EML6: variants seen among roughly 807,000 people sequenced by gnomAD.
The protein encoded by EML6 is echinoderm microtubule-associated protein-like 6.
Under a neutral mutation model 240.1 loss-of-function variants are expected in EML6, and 154 were observed. The observed-to-expected ratio is 0.64, with a 90% CI of 0.56 to 0.73. The LOEUF is 0.73. EML6 is among the 30% of genes least tolerant of loss of function. EML6 has a pLI of 0.00. For missense variants in EML6, 2,964 were observed against 2,474.6 expected, an observed-to-expected ratio of 1.20 and a Z score of -4.20; for synonymous variants, 1,148 against 899.0, an observed-to-expected ratio of 1.28 and a Z score of -4.95.
At chr2:54,890,515 G>A (rs761737066) in intron 17 of EML6, among the ~76,000 whole-genome samples, 3 of 152,056 alleles carry the variant, frequency 2.0e-5, no homozygotes, top group South Asian at 2.1e-4. Context: ...AAAGTGCCTC[G>A]AATCAATAGA....
intron 28 of EML6, among the ~76,000 whole-genome samples, chr2:54,946,589 A>G (rs1374644985): frequency 2.0e-5 from 3 of 152,198 alleles, no homozygotes; most frequent in Non-Finnish European, 4.4e-5. Context: ...GATGTTATGA[A>G]CACTGTTTAT....
At chr2:54,779,583 C>T (rs2103842442) in intron 2 of EML6, among the ~76,000 whole-genome samples, 1 of 147,378 alleles carries the variant, frequency 6.8e-6, no homozygotes, top group East Asian at 2.0e-4. Context: ...GAAGGAGGGC[C>T]TGGTGTGGTA....
At chr2:54,912,949 G>A (rs1487651554) in intron 25 of EML6, among the ~76,000 whole-genome samples, 2 of 151,918 alleles carry the variant, frequency 1.3e-5, no homozygotes, top group East Asian at 1.9e-4. Context: ...TGAGTAGAAT[G>A]GTAATTCTTT....
intron 38 of EML6, among the ~76,000 whole-genome samples, chr2:54,965,360 A>G (rs1316258760): frequency 6.6e-6 from 1 of 152,218 alleles, no homozygotes; most frequent in East Asian, 1.9e-4. Context: ...ACCGGGCACT[A>G]TGCTAGACTT....
rs1162923272 is a variant in EML6, at chr2:54,964,045, T to C, written c.5217T>C (p.Asp1739=). 1 of 1,551,560 alleles carries C rather than the reference T, an allele frequency of 6.4e-7. No individual in the cohort carries two copies. The highest frequency in any genetic ancestry group is 1.4e-5 in the African/African-American group (1 of 73,024). ...HAARCAAYSP[D]GEMVAIGMKN... ...CCAGGTGTGCAGCCTACAGCCCTGATGGGGAGATGGTGGCCATTGGCATGA... is the reference window on the plus strand; with the variant it reads ...CCAGGTGTGCAGCCTACAGCCCTGACGGGGAGATGGTGGCCATTGGCATGA... The change falls in exon 37 of 42, where the codon GAT becomes GAC. Residue 1739 remains aspartate (D), a synonymous_variant. Coordinates refer to ENST00000356458, the MANE Select transcript of EML6 (RefSeq NM_001039753.4).
At chr2:54,918,126 T>G (rs1245839630) in intron 26 of EML6, among the ~76,000 whole-genome samples, 3 of 152,330 alleles carry the variant, frequency 2.0e-5, no homozygotes, top group South Asian at 2.1e-4. Context: ...ACTTTACATT[T>G]ATACCCAAAG....
chr2:54,907,490 G>C (rs895844726), intron 24 of EML6, among the ~76,000 whole-genome samples: 3 of 152,204 alleles, frequency 2.0e-5, no homozygotes, highest in African/African-American at 7.2e-5. Flanking sequence ...CTGGGTAACA[G>C]AGCGAGACTA....
At chr2:54,949,407 G>A (rs13394790) in intron 29 of EML6, among the ~76,000 whole-genome samples, 2,601 of 152,258 alleles carry the variant, frequency 0.017, 88 homozygotes, top group African/African-American at 0.058. Context: ...CACACAGGAG[G>A]GACGCACCAT....
intron 21 of EML6, 36 bp downstream of exon 21, chr2:54,895,436 T>C (rs1172158518): frequency 6.5e-7 from 1 of 1,549,564 alleles, no homozygotes; most frequent in Admixed American, 2.0e-5. Context: ...GCAGTTCACA[T>C]CAAGGCTGGG....
intron 5 of EML6, among the ~76,000 whole-genome samples, chr2:54,823,694 C>T (rs1165813087): frequency 6.6e-6 from 1 of 152,072 alleles, no homozygotes; most frequent in Non-Finnish European, 1.5e-5. Flanking sequence ...GGACCCTATC[C>T]TGGGAGCCAT....
chr2:54,842,536 G>A (rs1669516731), intron 7 of EML6, among the ~76,000 whole-genome samples: 3 of 152,162 alleles, frequency 2.0e-5, no homozygotes, highest in Admixed American at 2.0e-4. Context: ...CCTAGAGCAG[G>A]AGTAGAGGCC....
chr2:54,939,606 G>C (rs987577171), intron 28 of EML6, among the ~76,000 whole-genome samples: 5 of 152,190 alleles, frequency 3.3e-5, no homozygotes, highest in South Asian at 4.1e-4. Context: ...TTGTGGACCA[G>C]CAGGCATGTC....
At chr2:54,958,951 T>C (rs541456333) in intron 33 of EML6, among the ~76,000 whole-genome samples, 153 bp from the exon 34 acceptor site, 4 of 152,272 alleles carry the variant, frequency 2.6e-5, no homozygotes, top group South Asian at 2.1e-4. Context: ...CGGTGATTTC[T>C]TTGCAAATTC....
intron 2 of EML6, among the ~76,000 whole-genome samples, chr2:54,748,103 A>C (rs1684000093): frequency 6.6e-6 from 1 of 152,326 alleles, no homozygotes; most frequent in African/African-American, 2.4e-5. Context: ...ATTGTTTATT[A>C]ATTCTGGCAA....
chr2:54,832,252 AC>A (rs989190334), intron 7 of EML6, among the ~76,000 whole-genome samples: 12 of 152,230 alleles, frequency 7.9e-5, no homozygotes, highest in African/African-American at 2.2e-4. Context: ...GCCTGCATGG[AC>A]AGGGTCATGT....
At chr2:54,830,769 G>A (rs1184869332) in intron 7 of EML6, among the ~76,000 whole-genome samples, 3 of 152,196 alleles carry the variant, frequency 2.0e-5, no homozygotes, top group Non-Finnish European at 4.4e-5. Context: ...TGTACTTCCT[G>A]TTTATACCTG....
At chr2:54,913,399 C>T (rs1392546494) in intron 25 of EML6, among the ~76,000 whole-genome samples, 1 of 152,038 alleles carries the variant, frequency 6.6e-6, no homozygotes, top group African/African-American at 2.4e-5. Context: ...AGATGCACAC[C>T]ACCATGCCCA....
intron 7 of EML6, among the ~76,000 whole-genome samples, chr2:54,833,952 T>C (rs1669003316): frequency 6.6e-6 from 1 of 152,224 alleles, no homozygotes; most frequent in Non-Finnish European, 1.5e-5. Flanking sequence ...GTTATAGAAA[T>C]ATTTAATTTC....
rs546444163 is a variant in EML6, at chr2:54,786,186, A to G, written c.198-27046A>G. On this transcript the variant is annotated intron_variant, in intron 2 of 41. Transcript: ENST00000356458. ...GAGATGGCTGGGCCCTGTGGCTCCT[A>G]TGCTTATTCCCTGAGTGTCTCTTTT... Among the ~76,000 whole-genome samples, 21 of 152,178 alleles carry G rather than the reference A, an allele frequency of 1.4e-4. No individual in the cohort carries two copies. The South Asian group carries it at 1.9e-3, about 14-fold the overall frequency.
Sources: allele counts gnomAD v4.1 joint callset (sites outside exome capture counted in the v4.1 genomes callset), GRCh38; gene constraint gnomAD v4.1.1; transcripts MANE v1.5; gene names NCBI Gene and HGNC (gene_info 2026-07-23, HGNC 2026-07-21).